The following SYT16 variants were observed in gnomAD, a reference collection of about 807,000 sequenced individuals.
SYT16 encodes the protein synaptotagmin 16, also known as synaptotagmin-16.
In SYT16, 42 loss-of-function variants were observed where a neutral mutation model predicts 61.4. That is an observed-to-expected ratio of 0.68 (90% CI 0.53 to 0.89). SYT16 has a LOEUF of 0.89. SYT16 is among the 40% of genes least tolerant of loss of function. The pLI is 0.00. For missense variants in SYT16, 804 were observed against 807.3 expected, an observed-to-expected ratio of 1.00 and a Z score of 0.05; for synonymous variants, 314 against 302.3, an observed-to-expected ratio of 1.04 and a Z score of -0.40.
rs139093364 is a variant in SYT16, at chr14:61,863,598, C to G, written c.-325+50788C>G. On this transcript the variant is annotated intron_variant, in intron 1 of 7. Coordinates refer to ENST00000683842, the MANE Select transcript of SYT16 (RefSeq NM_001367656.1). ...TCACTTGACTTTCTCTTTCACAGAG[C>G]GGAAAGATTTAATTTTAATAAAGTC... Among the ~76,000 whole-genome samples, 6 of 152,282 alleles carry G rather than the reference C, an allele frequency of 3.9e-5. 1 individual carries two copies. The East Asian group carries it at 1.2e-3, about 29-fold the overall frequency.
chr14:62,012,966 G>A (rs2140715842), intron 3 of SYT16, among the ~76,000 whole-genome samples: 1 of 152,278 alleles, frequency 6.6e-6, no homozygotes, highest in East Asian at 1.9e-4. Flanking sequence ...ATCCTTATTG[G>A]TTTTGTAGAT....
At chr14:62,059,670 C>CATATATATAATTTATATATATGT in intron 3 of SYT16, among the ~76,000 whole-genome samples, 1 of 114,354 alleles carries the variant, frequency 8.7e-6, no homozygotes, top group South Asian at 2.4e-4. Flanking sequence ...GTAATTGATA[C>CATATATATAATTTATATATATGT]ATATATATAA....
intron 2 of SYT16, among the ~76,000 whole-genome samples, chr14:61,991,330 T>TTGTGTGTGTGTGTGTGTGTGTGTG (rs71117861): frequency 1.4e-5 from 2 of 146,478 alleles, no homozygotes; most frequent in South Asian, 4.4e-4. Flanking sequence ...TGTTTTTCAT[T>TTGTGTGTGTGTGTGTGTGTGTGTG]TGTGTGTGTG....
At chr14:61,911,632 A>G (rs573511604) in intron 1 of SYT16, among the ~76,000 whole-genome samples, 1 of 152,240 alleles carries the variant, frequency 6.6e-6, no homozygotes, top group Non-Finnish European at 1.5e-5. Context: ...TAAAAAATTG[A>G]AAGCATTAAA....
chr14:61,958,631 A>C (rs1415402382), intron 1 of SYT16, among the ~76,000 whole-genome samples: 3 of 152,038 alleles, frequency 2.0e-5, no homozygotes, highest in Non-Finnish European at 4.4e-5. Context: ...TAATGATTTC[A>C]GTCTTCTTAA....
chr14:61,822,852 A>T (rs560252255), intron 1 of SYT16, among the ~76,000 whole-genome samples: 1 of 152,350 alleles, frequency 6.6e-6, no homozygotes, highest in East Asian at 1.9e-4. Flanking sequence ...GCACAGAGTG[A>T]GACAAATGAG....
At chr14:62,093,425 AAGAT>A (rs1566843039) in intron 7 of SYT16, among the ~76,000 whole-genome samples, 1 of 152,040 alleles carries the variant, frequency 6.6e-6, no homozygotes, top group African/African-American at 2.4e-5. Flanking sequence ...TGCTATGTAA[AAGAT>A]AGATATTAGA....
intron 1 of SYT16, among the ~76,000 whole-genome samples, chr14:61,853,536 A>G (rs2046682300): frequency 6.6e-6 from 1 of 152,190 alleles, no homozygotes. Context: ...GCCTTCTGCT[A>G]TCTTCTTTGT....
intron 1 of SYT16, among the ~76,000 whole-genome samples, chr14:61,882,153 A>T (rs528404793): frequency 6.6e-6 from 1 of 152,280 alleles, no homozygotes; most frequent in African/African-American, 2.4e-5. Flanking sequence ...TAATTAAATC[A>T]CCCTCATATG....
intron 3 of SYT16, 47 bp from the exon 4 acceptor site, chr14:62,069,556 G>C (rs759666922): frequency 1.3e-6 from 2 of 1,558,384 alleles, no homozygotes; most frequent in Non-Finnish European, 1.8e-6. Context: ...CTCTGTATTC[G>C]AGCATATAGG....
chr14:62,010,733 C>T (rs905485404), intron 3 of SYT16, among the ~76,000 whole-genome samples: 4 of 150,800 alleles, frequency 2.7e-5, no homozygotes, highest in East Asian at 1.9e-4. Flanking sequence ...TTTTTTTTTG[C>T]GGGGAGGTGG....
At position 61,970,174 on chromosome 14, in the gene SYT16, T is replaced by C; in HGVS notation, c.-282T>C. Reference sequence around the variant, plus strand: ...GGCTTCTTGTCTGCTGTTGGGGTCTTTATTGTTCTTCTGGCCGTCCTCTTC... The same window carrying C: ...GGCTTCTTGTCTGCTGTTGGGGTCTCTATTGTTCTTCTGGCCGTCCTCTTC... On this transcript the variant is annotated 5_prime_UTR_variant, in exon 2 of 8. Transcript: ENST00000683842. 6.6e-6 allele frequency: 1 copy of C among 152,330 alleles called. No homozygotes were observed. Among genetic ancestry groups the C allele is most frequent in the Non-Finnish European group, 1.5e-5 (1 of 68,044 alleles). The allele number at this position is 152,330 out of a possible 1,614,324, so 9.4% of individuals were successfully genotyped here.
intron 3 of SYT16, 168 bp from the exon 4 acceptor site, chr14:62,069,435 T>G: frequency 1.6e-6 from 1 of 635,036 alleles, no homozygotes; most frequent in Non-Finnish European, 2.8e-6. Flanking sequence ...TGCTTTGGAC[T>G]CAAATTTGTG....
At chr14:62,050,457 C>T (rs965038805) in intron 3 of SYT16, among the ~76,000 whole-genome samples, 1 of 152,150 alleles carries the variant, frequency 6.6e-6, no homozygotes, top group African/African-American at 2.4e-5. Flanking sequence ...CTTCTGAAGA[C>T]TTCTTCTCTC....
chr14:61,821,275 G>T (rs766921610), intron 1 of SYT16, among the ~76,000 whole-genome samples: 1 of 152,020 alleles, frequency 6.6e-6, no homozygotes, highest in Non-Finnish European at 1.5e-5. Context: ...TCAATTGTTA[G>T]ATTTTAGTGG....
At chr14:61,857,274 C>T (rs1243573389) in intron 1 of SYT16, among the ~76,000 whole-genome samples, 1 of 152,190 alleles carries the variant, frequency 6.6e-6, no homozygotes, top group Non-Finnish European at 1.5e-5. Flanking sequence ...AGAGTGTTAA[C>T]TCTTCTCTAC....
chr14:62,038,921 T>G (rs2054610938), intron 3 of SYT16, among the ~76,000 whole-genome samples: 1 of 152,198 alleles, frequency 6.6e-6, no homozygotes, highest in South Asian at 2.1e-4. Context: ...TAGAGTTCTT[T>G]TGTGCCTACA....
intron 4 of SYT16, among the ~76,000 whole-genome samples, chr14:62,070,020 G>C (rs1393199123): frequency 6.6e-6 from 1 of 152,220 alleles, no homozygotes; most frequent in African/African-American, 2.4e-5. Flanking sequence ...AATGGATCAG[G>C]AGTGGGTGGG....
At chr14:61,827,337 T>G (rs532870723) in intron 1 of SYT16, among the ~76,000 whole-genome samples, 1 of 152,300 alleles carries the variant, frequency 6.6e-6, no homozygotes, top group South Asian at 2.1e-4. Flanking sequence ...ATTTCCCCTG[T>G]GTAGGTGCCT....
Sources: gnomAD v4.1 joint callset for allele counts (sites outside exome capture counted in the v4.1 genomes callset) on GRCh38, gnomAD v4.1.1 for gene constraint, MANE v1.5 for transcripts, NCBI Gene and HGNC (gene_info 2026-07-23, HGNC 2026-07-21) for gene names.